Variants in POLR1C observed in about 807,000 individuals in gnomAD.
POLR1C encodes the protein DNA-directed RNA polymerases I and III subunit RPAC1.
Under a neutral mutation model 38.3 loss-of-function variants are expected in POLR1C, and 42 were observed. That is an observed-to-expected ratio of 1.10 (90% CI 0.86 to 1.42). The LOEUF is 1.42. Among genes scored for constraint, POLR1C ranks in the 40% most tolerant of loss-of-function variants. The pLI is 0.00. For missense variants in POLR1C, 507 were observed against 450.5 expected, an observed-to-expected ratio of 1.13 and a Z score of -1.14; for synonymous variants, 163 against 163.9, an observed-to-expected ratio of 0.99 and a Z score of 0.04.
At chr6:43,525,436 C>A (rs1414913618), downstream of POLR1C, 2 of 542,690 alleles carry the variant, frequency 3.7e-6, no homozygotes, top group Non-Finnish European at 6.5e-6. Context: ...CCATGCCTGG[C>A]TTAGGAGCTG....
intron 10 of POLR1C, chr6:43,555,500 TA>T (rs1182968065): frequency 5.5e-5 from 10 of 181,812 alleles, no homozygotes; most frequent in Non-Finnish European, 1.0e-4. Context: ...TGAAAAGTTT[TA>T]AAGTTAGGTC....
intron 9 of POLR1C, among the ~76,000 whole-genome samples, chr6:43,536,507 C>T (rs749990532): frequency 6.6e-6 from 1 of 151,430 alleles, no homozygotes; most frequent in African/African-American, 2.4e-5. Context: ...GCCTGTAATC[C>T]CAGCACTTTA....
At chr6:43,525,796 A>G, downstream of POLR1C, 1 of 1,598,186 alleles carries the variant, frequency 6.3e-7, no homozygotes, top group Non-Finnish European at 8.6e-7. Context: ...GTGACTCCCC[A>G]CCTGGGCAAG....
At chr6:43,525,770 G>C (rs1793546463), downstream of POLR1C, 1 of 1,519,740 alleles carries the variant, frequency 6.6e-7, no homozygotes, top group East Asian at 2.3e-5. Flanking sequence ...GCACCATAGA[G>C]CAAGAAAAGT....
intron 9 of POLR1C, among the ~76,000 whole-genome samples, chr6:43,537,140 CTTTTTT>C (rs70990198): frequency 7.3e-6 from 1 of 137,178 alleles, no homozygotes; most frequent in Non-Finnish European, 1.6e-5. Flanking sequence ...ATAATTAAAA[CTTTTTT>C]TTTTTTTTTT....
intron 2 of POLR1C, 39 bp from the exon 3 acceptor site, chr6:43,519,290 CAGAG>C: frequency 8.3e-7 from 1 of 1,199,698 alleles, no homozygotes; most frequent in Non-Finnish European, 1.2e-6. Flanking sequence ...AGATATTACA[CAGAG>C]AGCAGATTTC....
At chr6:43,524,138 G>C, downstream of POLR1C, 1 of 1,327,794 alleles carries the variant, frequency 7.5e-7, no homozygotes, top group Non-Finnish European at 1.0e-6. Context: ...GATCACCTGA[G>C]GTCAGGAGTT....
intron 2 of POLR1C, 131 bp from the exon 3 acceptor site, chr6:43,519,202 A>G (rs1410788675): frequency 5.7e-6 from 4 of 707,664 alleles, no homozygotes; most frequent in Non-Finnish European, 1.0e-5. Flanking sequence ...AATATTTAAT[A>G]AGAGACATTT....
chr6:43,559,716 A>G (rs1303984537), intron 10 of POLR1C, among the ~76,000 whole-genome samples: 1 of 152,236 alleles, frequency 6.6e-6, no homozygotes, highest in East Asian at 1.9e-4. Flanking sequence ...GAGCAGTTAT[A>G]ATAACCAGTA....
At chr6:43,541,000 A>G (rs1794662351) in intron 9 of POLR1C, among the ~76,000 whole-genome samples, 1 of 152,186 alleles carries the variant, frequency 6.6e-6, no homozygotes, top group South Asian at 2.1e-4. Flanking sequence ...TAAGCCAGGC[A>G]CAGAAAGACA....
chr6:43,560,992 C>A, intron 10 of POLR1C: 1 of 1,613,876 alleles, frequency 6.2e-7, no homozygotes, highest in Admixed American at 1.7e-5. Context: ...GGTGTTTCTA[C>A]ATCAGAATCT....
intron 9 of POLR1C, chr6:43,539,512 G>GGA (rs1794564372): frequency 6.4e-7 from 1 of 1,555,002 alleles, no homozygotes; most frequent in African/African-American, 1.4e-5. Flanking sequence ...GGCCCAGCTT[G>GGA]GTGACGGGCA....
chr6:43,553,241 A>G, intron 10 of POLR1C: 1 of 1,176,486 alleles, frequency 8.5e-7, no homozygotes. Context: ...GTTGGAGGTT[A>G]CAGAGAGCTA....
chr6:43,556,328 A>G (rs138524282), intron 10 of POLR1C, among the ~76,000 whole-genome samples: 2 of 152,220 alleles, frequency 1.3e-5, no homozygotes, highest in Non-Finnish European at 2.9e-5. Context: ...GTTCAAAACC[A>G]GTTTGGGCAA....
At chr6:43,540,151 AG>A (rs1188421803) in intron 9 of POLR1C, among the ~76,000 whole-genome samples, 1 of 152,138 alleles carries the variant, frequency 6.6e-6, no homozygotes, top group African/African-American at 2.4e-5. Flanking sequence ...GTACTTTGAG[AG>A]GCCAAGGAGG....
downstream of POLR1C, chr6:43,522,852 A>G: frequency 3.8e-6 from 1 of 261,692 alleles, no homozygotes; most frequent in Non-Finnish European, 8.8e-6. Flanking sequence ...CTCTCTTTAC[A>G]GGGCCTTTCA....
exon 10 of POLR1C, chr6:43,550,977 A>G: frequency 5.5e-6 from 1 of 182,554 alleles, no homozygotes; most frequent in Middle Eastern, 2.3e-3. Context: ...GAGTGTTCCT[A>G]AAGAGTGAGG....
chr6:43,520,199 G>C lies in POLR1C; in HGVS notation c.502+14G>C. On this transcript the variant is annotated intron_variant, in intron 5 of 8. Transcript: ENST00000642195. The stretch of plus-strand genomic sequence containing the variant: ...TGAACCACAAAGGTGAGTAGTGGTA[G>C]GGTGAGGAAGAGGCCCCACCTGTGG... 6.2e-7 allele frequency: 1 copy of C among 1,614,210 alleles called. No individual in the cohort carries two copies. Among genetic ancestry groups the C allele is most frequent in the Non-Finnish European group, 8.5e-7 (1 of 1,180,042 alleles).
Position 43,529,325 on chromosome 6 carries a change from G to A in POLR1C, c.999G>A (p.Thr333=), listed in dbSNP as rs774522589. 21 of 687,122 alleles carry A rather than the reference G, an allele frequency of 3.1e-5. No individual in the cohort carries two copies. The East Asian group carries it at 8.0e-4, about 26-fold the overall frequency. 42.6% of individuals were successfully genotyped at this position (687,122 alleles called of 1,614,324 possible). Residue 333 remains threonine, a synonymous_variant, in exon 9 of 9, where the codon ACG becomes ACA. Coordinates refer to the POLR1C transcript ENST00000304004. ...TGGGAGGCCAAGGCGAGTGGATCAC[G>A]GGGTCAAGAGAGCGAGACCATCCTG... is the stretch of plus-strand genomic sequence containing the variant.
Sources: allele counts gnomAD v4.1 joint callset (sites outside exome capture counted in the v4.1 genomes callset), GRCh38; gene constraint gnomAD v4.1.1; transcripts MANE v1.5; gene names NCBI Gene and HGNC (gene_info 2026-07-23, HGNC 2026-07-21).